CACNA2D3: variants seen among roughly 807,000 people sequenced by gnomAD.
The protein encoded by CACNA2D3 is voltage-dependent calcium channel subunit alpha-2/delta-3.
In CACNA2D3, 60 loss-of-function variants were observed where a neutral mutation model predicts 160.6. That is an observed-to-expected ratio of 0.37 (90% CI 0.30 to 0.46). CACNA2D3 has a LOEUF of 0.46. CACNA2D3 is among the 20% of genes least tolerant of loss of function. The pLI is 1.00. For synonymous variants in CACNA2D3, 558 were observed against 492.9 expected (o/e 1.13, Z -1.75); for missense variants, 1,205 against 1,365.0 (o/e 0.88, Z 1.85).
chr3:54,253,165 T>G (rs149427026), intron 2 of CACNA2D3, among the ~76,000 whole-genome samples: 1,941 of 152,164 alleles, frequency 0.013, 36 homozygotes, highest in African/African-American at 0.043. Context: ...TGACACTGTA[T>G]TTTTAATTAA....
At chr3:54,883,829 T>TCTCTCCCC (rs753661413) in intron 21 of CACNA2D3, among the ~76,000 whole-genome samples, 5 of 145,704 alleles carry the variant, frequency 3.4e-5, no homozygotes, top group Non-Finnish European at 7.5e-5. Context: ...CTCTCCTCTC[T>TCTCTCCCC]CTCCCTTCAA....
intron 5 of CACNA2D3, among the ~76,000 whole-genome samples, chr3:54,523,601 G>A (rs1247248322): frequency 6.6e-6 from 1 of 152,026 alleles, no homozygotes; most frequent in African/African-American, 2.4e-5. Context: ...TGAAGAATTG[G>A]TATTCTTTAA....
At chr3:55,043,842 C>G (rs905950863) in intron 35 of CACNA2D3, among the ~76,000 whole-genome samples, 1 of 152,108 alleles carries the variant, frequency 6.6e-6, no homozygotes, top group Non-Finnish European at 1.5e-5. Context: ...TTATGGATAT[C>G]CAATTATTCC....
intron 17 of CACNA2D3, among the ~76,000 whole-genome samples, chr3:54,850,711 G>C (rs2106782322): frequency 6.6e-6 from 1 of 152,276 alleles, no homozygotes; most frequent in Non-Finnish European, 1.5e-5. Context: ...GCAATGGCAG[G>C]GTTCCACAGA....
intron 2 of CACNA2D3, among the ~76,000 whole-genome samples, chr3:54,232,120 C>G (rs1424010154): frequency 1.3e-5 from 2 of 152,198 alleles, no homozygotes; most frequent in African/African-American, 2.4e-5. Flanking sequence ...ATATATGATA[C>G]ACAGGTGTGC....
At chr3:54,430,573 G>C (rs1207865436) in intron 4 of CACNA2D3, among the ~76,000 whole-genome samples, 1 of 152,212 alleles carries the variant, frequency 6.6e-6, no homozygotes, top group African/African-American at 2.4e-5. Context: ...TCCTGGACGT[G>C]ATTTGGTTGC....
At chr3:54,907,480 A>G (rs1700470659) in intron 27 of CACNA2D3, among the ~76,000 whole-genome samples, 1 of 152,170 alleles carries the variant, frequency 6.6e-6, no homozygotes, top group Non-Finnish European at 1.5e-5. Flanking sequence ...GTTTTTATGT[A>G]TATAAAGTTT....
At chr3:54,405,095 A>C (rs1264590101) in intron 4 of CACNA2D3, among the ~76,000 whole-genome samples, 1 of 142,784 alleles carries the variant, frequency 7.0e-6, no homozygotes, top group Non-Finnish European at 1.5e-5. Context: ...CTATACTAAA[A>C]TGTCTATACT....
rs1369109510 is a variant in CACNA2D3, at chr3:54,225,776, CT to C, written c.205-94655del. On this transcript the variant is annotated intron_variant, in intron 2 of 37. Coordinates refer to ENST00000474759, the MANE Select transcript of CACNA2D3 (RefSeq NM_018398.3). The stretch of plus-strand genomic sequence containing the variant: ...TCACTGGGGTTCTGTTTCTATTACG[CT>C]TTTTTTTTTTCTCTTGGCCCTGTGT... 6.1e-3 allele frequency among the ~76,000 whole-genome samples: 894 copies of C among 146,538 alleles called. 7 individuals are homozygous for C. The highest frequency in any genetic ancestry group is 0.019 in the African/African-American group (775 of 40,298).
chr3:54,419,120 G>A (rs1317037145), intron 4 of CACNA2D3, among the ~76,000 whole-genome samples: 1 of 152,194 alleles, frequency 6.6e-6, no homozygotes, highest in African/African-American at 2.4e-5. Flanking sequence ...TGACAATGCC[G>A]CCAGCAGAAT....
intron 5 of CACNA2D3, among the ~76,000 whole-genome samples, chr3:54,533,628 C>T (rs562057612): frequency 3.9e-5 from 6 of 152,268 alleles, no homozygotes; most frequent in African/African-American, 1.4e-4. Flanking sequence ...AGCCACAGCA[C>T]CCAGCCATCT....
chr3:54,742,316 G>T (rs926339313), intron 11 of CACNA2D3, among the ~76,000 whole-genome samples: 5 of 152,148 alleles, frequency 3.3e-5, no homozygotes, highest in African/African-American at 1.2e-4. Context: ...TACTTGGGAG[G>T]CTGAGTCATG....
intron 2 of CACNA2D3, among the ~76,000 whole-genome samples, chr3:54,269,913 G>T (rs56098715): frequency 0.15 from 22,772 of 152,164 alleles, 2,077 homozygotes; most frequent in South Asian, 0.2. Flanking sequence ...CTTAATACAT[G>T]GTCTCTGTTG....
intron 35 of CACNA2D3, among the ~76,000 whole-genome samples, chr3:55,055,047 T>G (rs11130446): frequency 0.17 from 25,313 of 152,024 alleles, 2,289 homozygotes; most frequent in Non-Finnish European, 0.19. Context: ...TTTTGAATTT[T>G]AACTTTTAGA....
chr3:54,680,825 A>G (rs183915693), intron 11 of CACNA2D3, among the ~76,000 whole-genome samples: 1 of 152,242 alleles, frequency 6.6e-6, no homozygotes, highest in East Asian at 1.9e-4. Flanking sequence ...TGGAGTTATA[A>G]TCAATAATGG....
intron 11 of CACNA2D3, among the ~76,000 whole-genome samples, chr3:54,677,294 GA>G (rs1282943137): frequency 3.9e-5 from 6 of 152,136 alleles, no homozygotes; most frequent in African/African-American, 9.7e-5. Context: ...CAGGAAGAGG[GA>G]AAATAAAAAG....
intron 4 of CACNA2D3, among the ~76,000 whole-genome samples, chr3:54,415,657 G>A (rs1439674855): frequency 6.6e-6 from 1 of 152,178 alleles, no homozygotes; most frequent in African/African-American, 2.4e-5. Context: ...AGTGGCATAA[G>A]TCCTTCACAG....
intron 13 of CACNA2D3, among the ~76,000 whole-genome samples, chr3:54,778,585 C>A (rs1332424514): frequency 1.3e-5 from 2 of 152,166 alleles, no homozygotes; most frequent in African/African-American, 4.8e-5. Context: ...ACTTCTTGTA[C>A]TATTATATTA....
At chr3:54,537,989 G>A (rs982003534) in intron 5 of CACNA2D3, among the ~76,000 whole-genome samples, 1 of 152,144 alleles carries the variant, frequency 6.6e-6, no homozygotes, top group South Asian at 2.1e-4. Context: ...CTGGCTGTGT[G>A]CTCTTCATTC....
Sources: allele counts gnomAD v4.1 joint callset (sites outside exome capture counted in the v4.1 genomes callset), GRCh38; gene constraint gnomAD v4.1.1; transcripts MANE v1.5; gene names NCBI Gene and HGNC (gene_info 2026-07-23, HGNC 2026-07-21).